Variants in WHRN observed in about 807,000 individuals in gnomAD.
The protein encoded by WHRN is whirlin.
A neutral mutation model predicts 68.3 loss-of-function variants in WHRN; 41 were observed. The ratio of observed to expected loss-of-function variants is 0.60; its 90% CI spans 0.47 to 0.78. The LOEUF is 0.78. WHRN is among the 30% of genes least tolerant of loss of function. The pLI is 0.00. For synonymous variants in WHRN, 560 were observed against 561.3 expected (o/e 1.00, Z 0.03); for missense variants, 1,243 against 1,244.7 (o/e 1.00, Z 0.02).
intron 3 of WHRN, among the ~76,000 whole-genome samples, chr9:114,432,221 G>A (rs1161026503): frequency 6.6e-6 from 1 of 152,160 alleles, no homozygotes; most frequent in Non-Finnish European, 1.5e-5. Flanking sequence ...TTTGAGAAGA[G>A]CACGGCGGGG....
chr9:114,452,716 C>T (rs1328750477), intron 3 of WHRN, among the ~76,000 whole-genome samples: 1 of 152,188 alleles, frequency 6.6e-6, no homozygotes, highest in East Asian at 1.9e-4. Context: ...GTGAGGTTTG[C>T]TCATCACAGG....
intron 3 of WHRN, among the ~76,000 whole-genome samples, chr9:114,432,919 G>A (rs4978587): frequency 0.97 from 148,290 of 152,264 alleles, 72,286 homozygotes; most frequent in Non-Finnish European, 1. Flanking sequence ...GTCTCTCAGC[G>A]CCACCCTCTA....
intron 7 of WHRN, among the ~76,000 whole-genome samples, chr9:114,420,869 A>G (rs10739411): frequency 0.33 from 50,861 of 151,854 alleles, 8,755 homozygotes; most frequent in Admixed American, 0.44. Flanking sequence ...AACAAGCTGG[A>G]GGAAGTAGTA....
intron 3 of WHRN, among the ~76,000 whole-genome samples, chr9:114,433,255 C>T (rs538161255): frequency 1.1e-4 from 17 of 152,310 alleles, no homozygotes; most frequent in African/African-American, 3.4e-4. Context: ...GAACCTGTGG[C>T]GGAATGGCAG....
chr9:114,503,186 A>C, intron 1 of WHRN: 1 of 985,572 alleles, frequency 1.0e-6, no homozygotes, highest in Non-Finnish European at 1.2e-6. Context: ...AGCAGCCAGC[A>C]GGCCCTCAGC....
intron 7 of WHRN, among the ~76,000 whole-genome samples, chr9:114,421,670 C>A (rs866205671): frequency 2.0e-5 from 3 of 152,204 alleles, no homozygotes; most frequent in Non-Finnish European, 4.4e-5. Flanking sequence ...CTCAGTGGAG[C>A]CTATCTTAGA....
chr9:114,408,857 T>C (rs1835226646), intron 7 of WHRN, among the ~76,000 whole-genome samples: 1 of 152,204 alleles, frequency 6.6e-6, no homozygotes, highest in South Asian at 2.1e-4. Context: ...CCCTCCCCAA[T>C]GTGGGTGGGC....
chr9:114,443,675 T>C (rs769014371), intron 3 of WHRN, among the ~76,000 whole-genome samples: 14 of 152,216 alleles, frequency 9.2e-5, no homozygotes, highest in Admixed American at 3.9e-4. Context: ...GATTCGGATG[T>C]AGACATTTTG....
At chr9:114,488,701 G>C (rs1387069534) in intron 1 of WHRN, among the ~76,000 whole-genome samples, 2 of 152,202 alleles carry the variant, frequency 1.3e-5, no homozygotes, top group African/African-American at 4.8e-5. Flanking sequence ...ACAGAAATTG[G>C]TGATGCGGAC....
rs936001101 is a variant in WHRN, at chr9:114,406,297, T to C, written c.2236+58A>G. Reference sequence around the variant, plus strand: ...CCCTTCACTGTGTCATCAGGTAGACTGACCTGAAGAGGACAGGGACCCCCA... The same window carrying C: ...CCCTTCACTGTGTCATCAGGTAGACCGACCTGAAGAGGACAGGGACCCCCA... On this transcript the variant is annotated intron_variant, in intron 9 of 11. Coordinates refer to ENST00000362057, the MANE Select transcript of WHRN (RefSeq NM_015404.4). 3.1e-6 allele frequency: 5 copies of C among 1,600,660 alleles called. No homozygotes were observed. The Admixed American group carries it at 5.0e-5, about 16-fold the overall frequency.
rs1199787880 is a variant in WHRN, at chr9:114,424,370, G to T, written c.1380C>A (p.Val460=). The T allele has an allele frequency of 6.2e-7, 1 of 1,612,396 alleles. No homozygotes were observed. The highest frequency in any genetic ancestry group is 1.1e-5 in the South Asian group (1 of 91,002). ...RGGSVSVEAL[V]MALFKLLNTH... is the part of the protein sequence containing the mutation. The stretch of plus-strand genomic sequence containing the variant: ...TGTTGAGCAGCTTGAACAGGGCCAT[G>T]ACGAGGGCCTCCACAGAGACGCTGC... The change falls in exon 6 of 12, where the codon GTC becomes GTA. Residue 460 remains valine (V), a synonymous_variant. Transcript: ENST00000362057.
At chr9:114,464,827 T>C (rs1206551682) in intron 3 of WHRN, among the ~76,000 whole-genome samples, 2 of 78,110 alleles carry the variant, frequency 2.6e-5, no homozygotes, top group Non-Finnish European at 2.7e-5. Flanking sequence ...ATGATGATGA[T>C]GATGATGATG....
chr9:114,432,374 C>T (rs989014401), intron 3 of WHRN, among the ~76,000 whole-genome samples: 1 of 152,238 alleles, frequency 6.6e-6, no homozygotes, highest in Non-Finnish European at 1.5e-5. Flanking sequence ...CTCAGTGGAC[C>T]TTGCTGGGTT....
intron 2 of WHRN, among the ~76,000 whole-genome samples, chr9:114,468,984 G>C (rs967514200): frequency 6.6e-6 from 1 of 152,208 alleles, no homozygotes; most frequent in African/African-American, 2.4e-5. Context: ...CAACTTGCTA[G>C]GTATGTGGCC....
intron 3 of WHRN, among the ~76,000 whole-genome samples, chr9:114,455,986 T>C (rs1345172935): frequency 6.6e-6 from 1 of 152,160 alleles, no homozygotes; most frequent in African/African-American, 2.4e-5. Context: ...ATATCTCATA[T>C]AATTTATTGA....
Position 114,504,739 on chromosome 9 carries a change from CG to C in WHRN, c.62del (p.Ala21GlyfsTer26). 6.6e-7 allele frequency: 1 copy of C among 1,508,708 alleles called. No homozygotes were observed. The highest frequency in any genetic ancestry group is 2.1e-5 in the Admixed American group (1 of 46,578). The allele number at this position is 1,508,708 out of a possible 1,614,324, so 93.5% of individuals were successfully genotyped here. On this transcript the variant is annotated frameshift_variant, in exon 1 of 12. Transcript: ENST00000362057. LOFTEE classifies it high-confidence loss of function. ...CGCCCCCGCCGCCGCCCGCCCCGGC[CG>C]CCGAGCCCAGCGAGCCGGTGGAGGA... is the stretch of plus-strand genomic sequence containing the variant. ...SSSSTGSLGS[A>X]AGAGGGGGAG...
intron 6 of WHRN, among the ~76,000 whole-genome samples, 154 bp from the exon 7 acceptor site, chr9:114,423,677 C>T (rs1018296009): frequency 1.3e-5 from 2 of 152,162 alleles, no homozygotes; most frequent in African/African-American, 4.8e-5. Flanking sequence ...AAAGGCCAAA[C>T]ACCGTCACCT....
chr9:114,494,251 A>G (rs953473179), intron 1 of WHRN, among the ~76,000 whole-genome samples: 5 of 152,220 alleles, frequency 3.3e-5, no homozygotes, highest in African/African-American at 9.6e-5. Context: ...TACCTTCTAC[A>G]CTGCCAGGAA....
intron 1 of WHRN, 140 bp downstream of exon 1, chr9:114,504,044 T>C (rs1171416463): frequency 7.9e-6 from 10 of 1,266,290 alleles, no homozygotes; most frequent in Non-Finnish European, 9.6e-6. Flanking sequence ...TATACATTCC[T>C]GTTTTAAAGT....
Sources: gnomAD v4.1 joint callset for allele counts (sites outside exome capture counted in the v4.1 genomes callset) on GRCh38, gnomAD v4.1.1 for gene constraint, MANE v1.5 for transcripts, NCBI Gene and HGNC (gene_info 2026-07-23, HGNC 2026-07-21) for gene names.